The following CUX1 variants were observed in gnomAD, a reference collection of about 807,000 sequenced individuals.
The protein encoded by CUX1 is protein CASP.
Under a neutral mutation model 158.8 loss-of-function variants are expected in CUX1, and 31 were observed. The observed-to-expected ratio is 0.20, with a 90% CI of 0.15 to 0.26. The LOEUF is 0.26. Among genes scored for constraint, CUX1 ranks in the 10% least tolerant of loss-of-function variants. The pLI is 1.00. For missense variants in CUX1, 1,589 were observed against 2,014.6 expected (o/e 0.79, Z 4.04); for synonymous variants, 879 against 862.1 (o/e 1.02, Z -0.34).
rs1801824296 is a variant in CUX1, at chr7:102,254,166, G to T, written c.*5124G>T. The T allele has an allele frequency of 1.0e-6, 1 of 985,586 alleles. No individual in the cohort carries two copies. The highest frequency in any genetic ancestry group is 1.1e-4 in the East Asian group (1 of 8,820). 61.1% of individuals were successfully genotyped at this position (985,586 alleles called of 1,614,324 possible). ...TCCACCTGTTCCCAAAGCTCCAGCAGCTGTTTCTTTTGCAGGCAGGGCGTG... is the reference window on the plus strand; with the variant it reads ...TCCACCTGTTCCCAAAGCTCCAGCATCTGTTTCTTTTGCAGGCAGGGCGTG... On this transcript the variant is annotated 3_prime_UTR_variant, in exon 24 of 24. Transcript: ENST00000292535.
intron 23 of CUX1, 51 bp downstream of exon 23, chr7:102,239,635 G>C (rs1799956839): frequency 6.3e-7 from 1 of 1,578,138 alleles, no homozygotes; most frequent in East Asian, 2.2e-5. Flanking sequence ...GGAAGGGGCT[G>C]ATCTGTCCGG....
intron 15 of CUX1, among the ~76,000 whole-genome samples, chr7:102,197,875 G>A (rs949042659): frequency 2.0e-5 from 3 of 152,140 alleles, no homozygotes; most frequent in African/African-American, 7.2e-5. Flanking sequence ...GGCCTGGCTT[G>A]AGTAAAATAC....
chr7:102,225,166 T>C (rs536110909), intron 20 of CUX1, among the ~76,000 whole-genome samples: 1 of 152,216 alleles, frequency 6.6e-6, no homozygotes, highest in Non-Finnish European at 1.5e-5. Flanking sequence ...CTCTTACGCT[T>C]GTCTCTTCTA....
At chr7:102,153,423 C>T (rs1432671172) in intron 8 of CUX1, 4 of 152,380 alleles carry the variant, frequency 2.6e-5, no homozygotes, top group Non-Finnish European at 4.4e-5. Flanking sequence ...GCAGCCACGC[C>T]TCCAGCTTTT....
At chr7:101,949,511 CT>C (rs796728203) in intron 2 of CUX1, among the ~76,000 whole-genome samples, 114 of 136,010 alleles carry the variant, frequency 8.4e-4, no homozygotes, top group Middle Eastern at 3.9e-3. Flanking sequence ...AGAGTGCTTG[CT>C]TTTTTTTTTT....
At chr7:102,274,432 C>T in intron 16 of CUX1, 1 of 774,274 alleles carries the variant, frequency 1.3e-6, no homozygotes, top group East Asian at 2.8e-5. Flanking sequence ...GGCCCCCACG[C>T]CTGCAATGCA....
In CUX1 at chr7:102,027,934, G is replaced by A. The variant is rs541258718; in HGVS notation, c.142-164G>A. Among the ~76,000 whole-genome samples the A allele has an allele frequency of 6.6e-5, 10 of 152,354 alleles. No homozygotes were observed. In the East Asian group the frequency reaches 1.7e-3, roughly 26 times the overall value. On this transcript the variant is annotated intron_variant, in intron 2 of 23. Coordinates refer to ENST00000292535, the MANE Select transcript of CUX1 (RefSeq NM_181552.4). ...TTTAAATCCTGAAGCGCCAGTTGGC[G>A]TTATTGATGTTTTAGGAGTGCAGGA...
intron 1 of CUX1, among the ~76,000 whole-genome samples, chr7:101,902,131 G>C (rs1184182004): frequency 6.6e-6 from 1 of 152,178 alleles, no homozygotes; most frequent in Non-Finnish European, 1.5e-5. Context: ...ATTGCATTCA[G>C]CTAGAGGCAT....
intron 1 of CUX1, among the ~76,000 whole-genome samples, chr7:101,862,480 T>C (rs143417917): frequency 6.6e-6 from 1 of 152,222 alleles, no homozygotes; most frequent in East Asian, 1.9e-4. Context: ...GCCTGTGAAA[T>C]GTGATCCTTT....
upstream of CUX1, among the ~76,000 whole-genome samples, chr7:101,816,773 G>C (rs1791853429): frequency 7.0e-6 from 1 of 142,322 alleles, no homozygotes; most frequent in South Asian, 2.2e-4. Flanking sequence ...CGGCGGCGGC[G>C]GCGCGGCCCG....
At chr7:101,967,020 TTTTA>T (rs1811311842) in intron 2 of CUX1, among the ~76,000 whole-genome samples, 5 of 151,662 alleles carry the variant, frequency 3.3e-5, no homozygotes, top group Admixed American at 2.0e-4. Flanking sequence ...TTTTATTTTA[TTTTA>T]TTTTGGTGAG....
chr7:102,132,677 T>TTG (rs1262743369), intron 8 of CUX1, among the ~76,000 whole-genome samples: 1 of 108,478 alleles, frequency 9.2e-6, no homozygotes, highest in Non-Finnish European at 1.9e-5. Context: ...TTTCTTTGCT[T>TTG]TTCTTTTTTT....
intron 3 of CUX1, among the ~76,000 whole-genome samples, chr7:102,067,229 C>CTTTTTT (rs34912215): frequency 2.3e-4 from 22 of 94,026 alleles, no homozygotes; most frequent in Non-Finnish European, 3.5e-4. Context: ...TTTCATGTAA[C>CTTTTTT]TTTTTTTTTT....
At chr7:102,129,632 C>T (rs565727673) in intron 8 of CUX1, among the ~76,000 whole-genome samples, 3 of 152,042 alleles carry the variant, frequency 2.0e-5, no homozygotes, top group South Asian at 4.2e-4. Flanking sequence ...TGCAGTGAGC[C>T]GAGATTGTGC....
intron 4 of CUX1, among the ~76,000 whole-genome samples, chr7:102,085,515 C>T (rs748850011): frequency 6.6e-6 from 1 of 152,008 alleles, no homozygotes; most frequent in South Asian, 2.1e-4. Context: ...GAGCTTTTCC[C>T]GCTTTGCTTG....
At chr7:101,892,437 G>T (rs1211934290) in intron 1 of CUX1, among the ~76,000 whole-genome samples, 1 of 152,072 alleles carries the variant, frequency 6.6e-6, no homozygotes, top group Non-Finnish European at 1.5e-5. Context: ...GTTACTGTGG[G>T]CTTCTAATTA....
At chr7:102,136,763 T>G (rs1160400467) in intron 8 of CUX1, among the ~76,000 whole-genome samples, 41 of 152,220 alleles carry the variant, frequency 2.7e-4, no homozygotes, top group Non-Finnish European at 3.2e-4. Flanking sequence ...TGCACATAAA[T>G]GTATCATTCT....
rs1801383995 is a variant in CUX1 at position 102,250,463 on chromosome 7, CTCT to C, written c.*1426_*1428del. 3 of 985,500 alleles carry C rather than the reference CTCT, an allele frequency of 3.0e-6. No individual in the cohort carries two copies. Among genetic ancestry groups the C allele is most frequent in the African/African-American group, 3.5e-5 (2 of 57,350 alleles). The allele number at this position is 985,500 out of a possible 1,614,324, so 61.0% of individuals were successfully genotyped here. ...GGCAGGGCTTACACGCGCACTCTCT[CTCT>C]TCTTTCCCTTTTTCTTCCCACCGCA... On this transcript the variant is annotated 3_prime_UTR_variant, in exon 24 of 24. Coordinates refer to ENST00000292535, the MANE Select transcript of CUX1 (RefSeq NM_181552.4).
At chr7:102,026,079 T>C (rs1044919519) in intron 2 of CUX1, among the ~76,000 whole-genome samples, 18 of 152,252 alleles carry the variant, frequency 1.2e-4, no homozygotes, top group African/African-American at 4.3e-4. Flanking sequence ...CTTGGGAGGC[T>C]GAGGTGGGAG....
Sources: allele counts gnomAD v4.1 joint callset (sites outside exome capture counted in the v4.1 genomes callset), GRCh38; gene constraint gnomAD v4.1.1; transcripts MANE v1.5; gene names NCBI Gene and HGNC (gene_info 2026-07-23, HGNC 2026-07-21).